The following SLC1A2 variants were observed in gnomAD, a reference collection of about 807,000 sequenced individuals.
SLC1A2 encodes excitatory amino acid transporter 2.
Under a neutral mutation model 48.8 loss-of-function variants are expected in SLC1A2, and 15 were observed. That is an observed-to-expected ratio of 0.31 (90% confidence interval 0.21 to 0.47). The LOEUF is 0.47. Among genes scored for constraint, SLC1A2 ranks in the 20% least tolerant of loss-of-function variants. The pLI is 0.99. For missense variants in SLC1A2, 502 were observed against 730.5 expected (o/e 0.69, Z 3.61); for synonymous variants, 279 against 272.6 (o/e 1.02, Z -0.23).
intron 1 of SLC1A2, among the ~76,000 whole-genome samples, chr11:35,418,067 G>T (rs973817747): frequency 6.6e-6 from 1 of 152,170 alleles, no homozygotes; most frequent in African/African-American, 2.4e-5. Context: ...TGCCACTCAG[G>T]TTCTACGAAG....
At chr11:35,389,027 G>A (rs1480488794) in intron 1 of SLC1A2, among the ~76,000 whole-genome samples, 1 of 152,078 alleles carries the variant, frequency 6.6e-6, no homozygotes, top group Non-Finnish European at 1.5e-5. Context: ...TAGAAGTCCA[G>A]TCCCCACCAG....
At position 35,346,967 on chromosome 11, in the gene SLC1A2, G is replaced by T. The variant is rs188185385; in HGVS notation, c.18-29451C>A. Among the ~76,000 whole-genome samples the T allele has an allele frequency of 2.8e-4, 42 of 152,302 alleles. No homozygotes were observed. In the East Asian group the frequency reaches 8.1e-3, roughly 29 times the overall value. On this transcript the variant is annotated intron_variant, in intron 1 of 10. Coordinates refer to ENST00000278379, the MANE Select transcript of SLC1A2 (RefSeq NM_004171.4). ...GAAAGGGGACTGGAAAGATAAATAG[G>T]GTCAGATGGTGGAAGTGCTTCAGTG... is the stretch of plus-strand genomic sequence containing the variant.
chr11:35,369,250 AGTAATAAAGAGG>A (rs2135158708), intron 1 of SLC1A2, among the ~76,000 whole-genome samples: 1 of 152,336 alleles, frequency 6.6e-6, no homozygotes, highest in Admixed American at 6.5e-5. Context: ...TAGAGACAAA[AGTAATAAAGAGG>A]GCCTTTTGTC....
intron 1 of SLC1A2, among the ~76,000 whole-genome samples, chr11:35,410,572 C>A (rs924083074): frequency 3.9e-5 from 6 of 152,108 alleles, no homozygotes; most frequent in Non-Finnish European, 8.8e-5. Context: ...CCTTTCCCCC[C>A]ACATTCAGGA....
intron 1 of SLC1A2, among the ~76,000 whole-genome samples, chr11:35,328,177 C>T (rs1159598222): frequency 6.6e-6 from 1 of 152,152 alleles, no homozygotes; most frequent in African/African-American, 2.4e-5. Context: ...CTGACTCCTC[C>T]CTTCAGGCAA....
chr11:35,334,329 C>T lies in SLC1A2; in HGVS notation c.18-16813G>A, dbSNP rs149152511. On this transcript the variant is annotated intron_variant, in intron 1 of 10. Transcript: ENST00000278379. ...TTAGCAGCCCCTGTCCCTTTTGGTT[C>T]CATCATTGTACAGATGGGAGCTTTC... is the stretch of plus-strand genomic sequence containing the variant. 8.0e-3 allele frequency among the ~76,000 whole-genome samples: 1,212 copies of T among 152,260 alleles called. 15 individuals carry two copies. The highest frequency in any genetic ancestry group is 0.025 in the African/African-American group (1,047 of 41,542).
rs1465218359 is a variant in SLC1A2, at chr11:35,252,561, G to A, written c.*8333C>T. On this transcript the variant is annotated 3_prime_UTR_variant, in exon 11 of 11. Coordinates refer to ENST00000278379, the MANE Select transcript of SLC1A2 (RefSeq NM_004171.4). ...TGAATTGTGTATTTACAAAGGTGCT[G>A]GACACACACAGACTTTCAAACAATC... is the stretch of plus-strand genomic sequence containing the variant. 1 of 152,064 alleles carries A rather than the reference G, an allele frequency of 6.6e-6. No homozygotes were observed. The highest frequency in any genetic ancestry group is 1.5e-5 in the Non-Finnish European group (1 of 68,030). The allele number at this position is 152,064 out of a possible 1,614,324, so 9.4% of individuals were successfully genotyped here.
At chr11:35,337,373 G>T (rs950934335) in intron 1 of SLC1A2, among the ~76,000 whole-genome samples, 1 of 152,140 alleles carries the variant, frequency 6.6e-6, no homozygotes, top group Non-Finnish European at 1.5e-5. Flanking sequence ...GTTTTCAAAC[G>T]TGGCGAGAGG....
At chr11:35,391,905 G>A (rs964541666) in intron 1 of SLC1A2, among the ~76,000 whole-genome samples, 3 of 152,118 alleles carry the variant, frequency 2.0e-5, no homozygotes, top group African/African-American at 7.2e-5. Context: ...AAGGAGCGTA[G>A]GAAAGATTGC....
chr11:35,293,627 G>A (rs1014979213), intron 6 of SLC1A2, among the ~76,000 whole-genome samples: 1 of 152,138 alleles, frequency 6.6e-6, no homozygotes, highest in African/African-American at 2.4e-5. Flanking sequence ...TGGGAAGGCT[G>A]CTACCTTATT....
chr11:35,279,366 T>A (rs1232148358), intron 9 of SLC1A2, among the ~76,000 whole-genome samples: 2 of 152,182 alleles, frequency 1.3e-5, no homozygotes, highest in African/African-American at 4.8e-5. Context: ...ATGAGGAAAA[T>A]GTCCTTCACT....
At chr11:35,271,612 G>C (rs1850281108) in intron 9 of SLC1A2, among the ~76,000 whole-genome samples, 1 of 152,172 alleles carries the variant, frequency 6.6e-6, no homozygotes, top group Non-Finnish European at 1.5e-5. Context: ...GGGAGGCTGA[G>C]GTGGGTGGAT....
intron 9 of SLC1A2, among the ~76,000 whole-genome samples, chr11:35,270,631 CA>C (rs1565203966): frequency 6.6e-6 from 1 of 152,050 alleles, no homozygotes; most frequent in African/African-American, 2.4e-5. Flanking sequence ...GATAAATGTT[CA>C]AAAAGAAATG....
chr11:35,274,262 A>C (rs1170180641), intron 9 of SLC1A2, among the ~76,000 whole-genome samples: 2 of 152,206 alleles, frequency 1.3e-5, no homozygotes, highest in Admixed American at 1.3e-4. Context: ...ATATCAAAAA[A>C]TGATTTTGCT....
chr11:35,290,224 G>C (rs982128939), intron 7 of SLC1A2, among the ~76,000 whole-genome samples: 3 of 152,102 alleles, frequency 2.0e-5, no homozygotes, highest in Non-Finnish European at 4.4e-5. Flanking sequence ...TTATCCTGAG[G>C]GGATCATCAT....
At chr11:35,375,166 T>C (rs904881816) in intron 1 of SLC1A2, among the ~76,000 whole-genome samples, 1 of 152,064 alleles carries the variant, frequency 6.6e-6, no homozygotes, top group Non-Finnish European at 1.5e-5. Flanking sequence ...AAATAAAAAA[T>C]AAAAATAATA....
chr11:35,348,120 G>A (rs981814286), intron 1 of SLC1A2, among the ~76,000 whole-genome samples: 1 of 152,204 alleles, frequency 6.6e-6, no homozygotes. Flanking sequence ...TTGCTCTGCA[G>A]GAGGAATTGT....
At chr11:35,322,858 G>A (rs1334220082) in intron 1 of SLC1A2, 1 of 654,206 alleles carries the variant, frequency 1.5e-6, no homozygotes. Context: ...CTTGAAGAAT[G>A]CCACCCCTGC....
At chr11:35,320,110 T>C (rs886803406) in intron 1 of SLC1A2, among the ~76,000 whole-genome samples, 13 of 152,174 alleles carry the variant, frequency 8.5e-5, no homozygotes, top group Non-Finnish European at 1.5e-4. Flanking sequence ...TAGTATAGCA[T>C]GATAGAATAT....
Sources: allele counts gnomAD v4.1 joint callset (sites outside exome capture counted in the v4.1 genomes callset), GRCh38; gene constraint gnomAD v4.1.1; transcripts MANE v1.5; gene names NCBI Gene and HGNC (gene_info 2026-07-23, HGNC 2026-07-21).